Variants in LCLAT1 observed in about 807,000 individuals in gnomAD.
The protein encoded by LCLAT1 is 1-AGP acyltransferase 8.
A neutral mutation model predicts 30.7 loss-of-function variants in LCLAT1; 11 were observed. The observed-to-expected ratio is 0.36, with a 90% confidence interval of 0.23 to 0.59. LCLAT1 has a LOEUF of 0.59. Among genes scored for constraint, LCLAT1 ranks in the 20% least tolerant of loss-of-function variants. The pLI, the probability that LCLAT1 is intolerant of heterozygous loss-of-function variation, is 0.77. For synonymous variants in LCLAT1, 155 were observed against 151.3 expected (o/e 1.02, Z -0.18); for missense variants, 402 against 458.6 (o/e 0.88, Z 1.13).
At chr2:30,606,034 G>A (rs1224837278) in intron 5 of LCLAT1, 2 of 1,299,082 alleles carry the variant, frequency 1.5e-6, no homozygotes, top group African/African-American at 1.5e-5. Context: ...CAGAGCGAGG[G>A]AAGTAAAGGA....
At chr2:30,490,276 C>T (rs1683777559) in intron 1 of LCLAT1, among the ~76,000 whole-genome samples, 1 of 149,170 alleles carries the variant, frequency 6.7e-6, no homozygotes, top group African/African-American at 2.5e-5. Flanking sequence ...AATCTCAGCT[C>T]ACTGCAAGCT....
At chr2:30,593,922 C>CA (rs35889899) in intron 5 of LCLAT1, among the ~76,000 whole-genome samples, 91,581 of 134,544 alleles carry the variant, frequency 0.68, 31,552 homozygotes, top group African/African-American at 0.81. Context: ...GATCCTGTCT[C>CA]AAAAAAAAAA....
intron 5 of LCLAT1, among the ~76,000 whole-genome samples, chr2:30,635,595 A>G (rs954813144): frequency 2.6e-5 from 4 of 152,190 alleles, no homozygotes; most frequent in African/African-American, 9.6e-5. Flanking sequence ...AACTTTTGGA[A>G]TATTACCTTT....
At chr2:30,610,996 T>G (rs1324960969) in intron 5 of LCLAT1, among the ~76,000 whole-genome samples, 1 of 152,002 alleles carries the variant, frequency 6.6e-6, no homozygotes, top group African/African-American at 2.4e-5. Context: ...TTTGTTTTTT[T>G]TTCACTTCTT....
intron 5 of LCLAT1, among the ~76,000 whole-genome samples, chr2:30,601,729 A>T (rs1320411712): frequency 1.3e-5 from 2 of 152,134 alleles, no homozygotes; most frequent in Admixed American, 6.6e-5. Context: ...TACTTTCTTT[A>T]ATGCAATGCC....
At chr2:30,562,637 G>C (rs1475528813) in intron 4 of LCLAT1, among the ~76,000 whole-genome samples, 2 of 152,174 alleles carry the variant, frequency 1.3e-5, no homozygotes, top group Non-Finnish European at 2.9e-5. Flanking sequence ...ACTCCAAGCG[G>C]TCATATTATT....
intron 1 of LCLAT1, among the ~76,000 whole-genome samples, chr2:30,477,943 CT>C (rs1044744775): frequency 2.6e-5 from 4 of 151,964 alleles, no homozygotes; most frequent in African/African-American, 4.8e-5. Flanking sequence ...TCTCTCCCCC[CT>C]GAAAGTTTTT....
At chr2:30,478,881 G>A (rs1683182004) in intron 1 of LCLAT1, among the ~76,000 whole-genome samples, 1 of 152,158 alleles carries the variant, frequency 6.6e-6, no homozygotes, top group Non-Finnish European at 1.5e-5. Context: ...TGGACTTGCT[G>A]ACTTGTGTTA....
Position 30,479,189 on chromosome 2 carries a change from C to T in LCLAT1, c.-5+31806C>T, listed in dbSNP as rs1044132323. 2.0e-5 allele frequency among the ~76,000 whole-genome samples: 3 copies of T among 151,980 alleles called. No individual in the cohort carries two copies. In the East Asian group the frequency reaches 5.8e-4, roughly 29 times the overall value. ...TCACAGACATGTTGAATAAAAGCAGCCAGATGCAGTAGAGTATATACTTGT... is the reference window on the plus strand; with the variant it reads ...TCACAGACATGTTGAATAAAAGCAGTCAGATGCAGTAGAGTATATACTTGT... On this transcript the variant is annotated intron_variant, in intron 1 of 5. Coordinates refer to ENST00000379509, the MANE Select transcript of LCLAT1 (RefSeq NM_001002257.3).
intron 5 of LCLAT1, among the ~76,000 whole-genome samples, chr2:30,627,038 C>G (rs1415057014): frequency 6.6e-6 from 1 of 152,142 alleles, no homozygotes; most frequent in Non-Finnish European, 1.5e-5. Flanking sequence ...CTCATGGTTA[C>G]TGATACCTTT....
intron 5 of LCLAT1, among the ~76,000 whole-genome samples, chr2:30,635,456 C>T (rs1045004535): frequency 6.6e-6 from 1 of 152,104 alleles, no homozygotes; most frequent in Non-Finnish European, 1.5e-5. Context: ...TAGTTCCCTT[C>T]ATCACTTTGT....
In LCLAT1 at chr2:30,492,241, A is replaced by G. The variant is rs75335374; in HGVS notation, c.-4-33346A>G. Among the ~76,000 whole-genome samples the G allele has an allele frequency of 2.3e-3, 349 of 152,338 alleles. 2 individuals carry two copies. The highest frequency in any genetic ancestry group is 8.0e-3 in the African/African-American group (332 of 41,584). On this transcript the variant is annotated intron_variant, in intron 1 of 5. Coordinates refer to ENST00000379509, the MANE Select transcript of LCLAT1 (RefSeq NM_001002257.3). Reference sequence around the variant, plus strand: ...ACACAATAACACTATGTACATTATGAATAGTTAAGTCTTATACTTCTAGGG... The same window carrying G: ...ACACAATAACACTATGTACATTATGGATAGTTAAGTCTTATACTTCTAGGG...
rs543735367 is a variant in LCLAT1 at position 30,621,277 on chromosome 2, G to A, written c.629-18840G>A. ...GTTTTGATGTTGCTGTGGAGTGAACGTTTGTGTTCCCCCAAAATTCCTATA... is the reference window on the plus strand; with the variant it reads ...GTTTTGATGTTGCTGTGGAGTGAACATTTGTGTTCCCCCAAAATTCCTATA... On this transcript the variant is annotated intron_variant, in intron 5 of 5. Transcript: ENST00000379509. Among the ~76,000 whole-genome samples, 13 of 152,244 alleles carry A rather than the reference G, an allele frequency of 8.5e-5. No individual in the cohort carries two copies. The South Asian group carries it at 2.5e-3, about 29-fold the overall frequency.
At chr2:30,533,354 T>A in intron 3 of LCLAT1, 40 bp downstream of exon 3, 1 of 1,497,258 alleles carries the variant, frequency 6.7e-7, no homozygotes, top group South Asian at 1.1e-5. Flanking sequence ...TTCATTCATT[T>A]TAGATGTAAT....
chr2:30,579,338 AT>A (rs770101546), intron 5 of LCLAT1, among the ~76,000 whole-genome samples: 43 of 152,268 alleles, frequency 2.8e-4, no homozygotes, highest in Middle Eastern at 3.4e-3. Context: ...ATATTTAAGT[AT>A]TTTTAAGAAA....
chr2:30,627,494 G>C (rs1004298625), intron 5 of LCLAT1, among the ~76,000 whole-genome samples: 7 of 152,282 alleles, frequency 4.6e-5, no homozygotes, highest in African/African-American at 1.7e-4. Context: ...CCCGTACTTA[G>C]ACTTACTATG....
intron 1 of LCLAT1, among the ~76,000 whole-genome samples, chr2:30,457,216 A>C (rs910417809): frequency 1.3e-5 from 2 of 152,224 alleles, no homozygotes; most frequent in African/African-American, 4.8e-5. Flanking sequence ...GATTAGTTTT[A>C]TGGAGGGGAT....
intron 1 of LCLAT1, among the ~76,000 whole-genome samples, chr2:30,484,153 C>G (rs1210422339): frequency 6.6e-6 from 1 of 152,120 alleles, no homozygotes; most frequent in African/African-American, 2.4e-5. Flanking sequence ...GCTTGCTGAT[C>G]CATCATATTC....
intron 5 of LCLAT1, among the ~76,000 whole-genome samples, chr2:30,636,060 G>T (rs1177295690): frequency 1.3e-5 from 2 of 152,150 alleles, no homozygotes; most frequent in African/African-American, 2.4e-5. Flanking sequence ...TTCACAGGGG[G>T]CAAGGCCACT....
Sources: gnomAD v4.1 joint callset for allele counts (sites outside exome capture counted in the v4.1 genomes callset) on GRCh38, gnomAD v4.1.1 for gene constraint, MANE v1.5 for transcripts, NCBI Gene and HGNC (gene_info 2026-07-23, HGNC 2026-07-21) for gene names.